COL6A1: variants seen among roughly 807,000 people sequenced by gnomAD.
COL6A1 encodes the protein collagen type VI alpha 1 chain.
COL6A1 carries 80 observed loss-of-function variants against 145.6 expected under a neutral mutation model. That is an observed-to-expected ratio of 0.55 (90% confidence interval 0.46 to 0.66). COL6A1 has a LOEUF of 0.66. Ranked by LOEUF, COL6A1 falls within the 30% of genes least tolerant of loss-of-function variation. COL6A1 has a pLI of 0.00. For missense variants in COL6A1, 1,364 were observed against 1,473.8 expected, an observed-to-expected ratio of 0.93 and a Z score of 1.22; for synonymous variants, 638 against 622.8, an observed-to-expected ratio of 1.02 and a Z score of -0.36.
At chr21:45,995,112 G>A (rs1388520974) in intron 20 of COL6A1, among the ~76,000 whole-genome samples, 2 of 152,256 alleles carry the variant, frequency 1.3e-5, no homozygotes, top group African/African-American at 4.8e-5. Context: ...TCGTGCTTTT[G>A]TGGTGCCAAC....
intron 26 of COL6A1, 66 bp downstream of exon 26, chr21:45,999,284 G>T (rs2077824803): frequency 6.9e-7 from 1 of 1,439,404 alleles, no homozygotes; most frequent in Admixed American, 2.0e-5. Flanking sequence ...CTGGGGCTGG[G>T]GAATGCTGGA....
chr21:45,982,520 T>TC (rs1387698961), intron 1 of COL6A1, 114 bp from the exon 2 acceptor site: 8 of 1,493,924 alleles, frequency 5.4e-6, no homozygotes, highest in Non-Finnish European at 7.3e-6. Flanking sequence ...GGAGAGCCTC[T>TC]CCGGGCCCGG....
intron 10 of COL6A1, 35 bp from the exon 11 acceptor site, chr21:45,989,713 ACAAG>A: frequency 2.5e-6 from 4 of 1,613,084 alleles, no homozygotes; most frequent in Non-Finnish European, 3.4e-6. Flanking sequence ...CACAGCACTA[ACAAG>A]CCTTCCTCTT....
rs769385161 is a variant in COL6A1 at position 46,002,717 on chromosome 21, A to C, written c.2434+7A>C. ...ACCGCCCAGATCTGCATAGGTGCGC[A>C]TGGGGCCACCCGGGCAGTCCCAGAT... On this transcript the variant is annotated splice_region_variant and intron_variant, in intron 33 of 34. Transcript: ENST00000361866. The C allele has an allele frequency of 3.1e-6, 5 of 1,610,352 alleles. No individual in the cohort carries two copies. In the Admixed American group the frequency reaches 8.3e-5, roughly 27 times the overall value.
intron 3 of COL6A1, 56 bp downstream of exon 3, chr21:45,984,525 G>A: frequency 6.4e-7 from 1 of 1,558,094 alleles, no homozygotes; most frequent in Non-Finnish European, 8.7e-7. Flanking sequence ...TACCCAGCCT[G>A]GGCTGGGGTT....
Position 46,004,124 on chromosome 21 carries a change from T to A in COL6A1, c.*111T>A. The stretch of plus-strand genomic sequence containing the variant: ...CCGACCAACCTGATTCGCTAGATTT[T>A]TTTTAAGGAAAAGCTTGGAAAGCCA... On this transcript the variant is annotated 3_prime_UTR_variant, in exon 35 of 35. Transcript: ENST00000361866. 6.8e-7 allele frequency: 1 copy of A among 1,465,392 alleles called. No individual in the cohort carries two copies. Among genetic ancestry groups the A allele is most frequent in the East Asian group, 2.3e-5 (1 of 43,542 alleles). 90.8% of individuals were successfully genotyped at this position (1,465,392 alleles called of 1,614,324 possible).
At chr21:45,990,477 TG>T in intron 13 of COL6A1, 55 bp downstream of exon 13, 1 of 314,904 alleles carries the variant, frequency 3.2e-6, no homozygotes. Flanking sequence ...TGGGGCGAGA[TG>T]GGGAGGGACG....
intron 2 of COL6A1, 102 bp from the exon 3 acceptor site, chr21:45,984,167 G>C: frequency 8.5e-7 from 1 of 1,180,980 alleles, no homozygotes; most frequent in Non-Finnish European, 1.2e-6. Flanking sequence ...GCCACGGCCA[G>C]GGTGGGGCAG....
intron 22 of COL6A1, 147 bp from the exon 23 acceptor site, chr21:45,997,974 G>T: frequency 8.5e-7 from 1 of 1,170,960 alleles, no homozygotes. Flanking sequence ...AGGGTCCACG[G>T]GGACCAGCAG....
In COL6A1 at chr21:45,986,633, C is replaced by A; in HGVS notation, c.536C>A (p.Ala179Asp). The A allele has an allele frequency of 1.3e-6, 2 of 1,553,610 alleles. No homozygotes were observed. Among genetic ancestry groups the A allele is most frequent in the Non-Finnish European group, 1.7e-6 (2 of 1,148,722 alleles). The change falls in exon 4 of 35, where the codon GCC becomes GAC. Residue 179 changes from alanine to aspartate, a missense_variant. By Grantham distance (126) the Ala-to-Asp change is moderately radical. Coordinates refer to ENST00000361866, the MANE Select transcript of COL6A1 (RefSeq NM_001848.3). Reference sequence around the variant, plus strand: ...GGGCTGGAGGATGCTGTGAACGAGGCCAAGCACCTGGGCGTCAAAGTCTTC... The same window carrying A: ...GGGCTGGAGGATGCTGTGAACGAGGACAAGCACCTGGGCGTCAAAGTCTTC... ...CGGLEDAVNE[A>D]KHLGVKVFSV...
chr21:45,984,249 G>T lies in COL6A1; in HGVS notation c.228-20G>T, dbSNP rs1316161642. The T allele has an allele frequency of 3.1e-6, 5 of 1,592,196 alleles. No homozygotes were observed. The African/African-American group carries it at 6.7e-5, about 21-fold the overall frequency. On this transcript the variant is annotated intron_variant, in intron 2 of 34. Coordinates refer to ENST00000361866, the MANE Select transcript of COL6A1 (RefSeq NM_001848.3). ...GCCAGGGGCCGCCCGCCTCACGCCC[G>T]CCGTGCCTGTTCCTGGCAGGTACTA...
rs11700421 is a variant in COL6A1 at position 46,000,998 on chromosome 21, G to A, written c.1822+231G>A. On this transcript the variant is annotated intron_variant, in intron 29 of 34. Coordinates refer to ENST00000361866, the MANE Select transcript of COL6A1 (RefSeq NM_001848.3). ...GAAATAACCAGGAGCAGGCTTGGGGGGGTCCCTGCTCCATCATTCTGGCCC... is the reference window on the plus strand; with the variant it reads ...GAAATAACCAGGAGCAGGCTTGGGGAGGTCCCTGCTCCATCATTCTGGCCC... 0.35 allele frequency: 242,138 copies of A among 696,610 alleles called. 45,993 individuals carry two copies. Among genetic ancestry groups the A allele is most frequent in the East Asian group, 0.62 (22,941 of 36,846 alleles). 43.2% of individuals were successfully genotyped at this position (696,610 alleles called of 1,614,324 possible). A position where few individuals can be genotyped will look rare whatever the true frequency, so the allele number is the denominator to read the frequency against.
intron 24 of COL6A1, 97 bp downstream of exon 24, chr21:45,998,530 G>T: frequency 6.5e-7 from 1 of 1,546,594 alleles, no homozygotes; most frequent in South Asian, 1.1e-5. Flanking sequence ...ACAGGCTCCC[G>T]AGCAAACACA....
intron 20 of COL6A1, among the ~76,000 whole-genome samples, chr21:45,997,206 C>T (rs1418496079): frequency 6.6e-6 from 1 of 151,388 alleles, no homozygotes; most frequent in East Asian, 2.0e-4. Context: ...CAGCTGGGCG[C>T]CCACCGAAGG....
intron 22 of COL6A1, among the ~76,000 whole-genome samples, 175 bp downstream of exon 22, chr21:45,997,937 C>A (rs959708448): frequency 6.6e-6 from 1 of 151,624 alleles, no homozygotes. Context: ...CTCGGCAGGG[C>A]CCCTCCTGCC....
At chr21:45,982,851 G>A in intron 2 of COL6A1, 88 bp downstream of exon 2, 1 of 1,565,310 alleles carries the variant, frequency 6.4e-7, no homozygotes, top group Non-Finnish European at 8.7e-7. Flanking sequence ...GGGTGCGACG[G>A]CCTCAACCTC....
rs759905670 is a variant in COL6A1, at chr21:45,981,814, C to A, written c.-37C>A. ...TGGGCGGCGGCGGCGGCCCACTCTG[C>A]CCTGGCCGCGCTGTGTGGTGACCGC... On this transcript the variant is annotated 5_prime_UTR_variant, in exon 1 of 35. Transcript: ENST00000361866. 5.3e-6 allele frequency: 8 copies of A among 1,518,538 alleles called. No homozygotes were observed. The highest frequency in any genetic ancestry group is 2.8e-5 in the African/African-American group (2 of 70,628). 94.1% of individuals were successfully genotyped at this position (1,518,538 alleles called of 1,614,324 possible). A position where few individuals can be genotyped will look rare whatever the true frequency, so the allele number is the denominator to read the frequency against.
chr21:45,998,374 C>T (rs369146665), intron 23 of COL6A1, 24 bp from the exon 24 acceptor site: 50 of 1,612,992 alleles, frequency 3.1e-5, no homozygotes, highest in Non-Finnish European at 4.0e-5. Flanking sequence ...AACCCGGTAT[C>T]ACTGCCCTGC....
intron 3 of COL6A1, among the ~76,000 whole-genome samples, chr21:45,985,131 G>A (rs577335977): frequency 8.9e-4 from 134 of 150,064 alleles, no homozygotes; most frequent in Non-Finnish European, 1.4e-3. Flanking sequence ...GGCAGACAGA[G>A]AGACAGAGAC....
Sources: gnomAD v4.1 joint callset for allele counts (sites outside exome capture counted in the v4.1 genomes callset) on GRCh38, gnomAD v4.1.1 for gene constraint, MANE v1.5 for transcripts, NCBI Gene and HGNC (gene_info 2026-07-23, HGNC 2026-07-21) for gene names.